Variants in TENM4 observed in about 807,000 individuals in gnomAD.
TENM4 encodes teneurin transmembrane protein 4.
A neutral mutation model predicts 243.3 loss-of-function variants in TENM4; 82 were observed. The observed-to-expected ratio is 0.34, with a 90% confidence interval of 0.28 to 0.40. The LOEUF is 0.40. Among genes scored for constraint, TENM4 ranks in the 10% least tolerant of loss-of-function variants. The probability of loss-of-function intolerance (pLI) is 1.00; values close to 1 mark genes in which losing one functional copy is unlikely to be tolerated. For synonymous variants in TENM4, 1,412 were observed against 1,456.3 expected, an observed-to-expected ratio of 0.97 and a Z score of 0.69; for missense variants, 3,138 against 3,673.3, an observed-to-expected ratio of 0.85 and a Z score of 3.77.
intron 2 of TENM4, among the ~76,000 whole-genome samples, chr11:79,261,308 G>A (rs1855792337): frequency 1.3e-5 from 2 of 152,166 alleles, no homozygotes; most frequent in African/African-American, 4.8e-5. Context: ...GGGGAAAGCT[G>A]ATAGATCTGA....
intron 4 of TENM4, among the ~76,000 whole-genome samples, chr11:79,107,645 C>A (rs1333591927): frequency 6.6e-6 from 1 of 152,192 alleles, no homozygotes; most frequent in African/African-American, 2.4e-5. Context: ...AAGAACCTTC[C>A]CAGTGGTCTC....
chr11:78,905,488 A>G (rs1440144179), intron 6 of TENM4, among the ~76,000 whole-genome samples: 1 of 152,176 alleles, frequency 6.6e-6, no homozygotes, highest in African/African-American at 2.4e-5. Flanking sequence ...TTCGGCATAA[A>G]GCCCACACCT....
At chr11:79,224,273 G>A (rs1426455260) in intron 2 of TENM4, among the ~76,000 whole-genome samples, 2 of 152,210 alleles carry the variant, frequency 1.3e-5, no homozygotes, top group African/African-American at 4.8e-5. Flanking sequence ...CTCACTGGCT[G>A]TCATTGATTG....
At chr11:79,233,072 T>C (rs548084479) in intron 2 of TENM4, among the ~76,000 whole-genome samples, 2 of 152,326 alleles carry the variant, frequency 1.3e-5, no homozygotes, top group East Asian at 3.9e-4. Flanking sequence ...CCTTTGTATA[T>C]GCACAGTTGC....
In TENM4 at chr11:78,683,783, C is replaced by T. The variant is rs560938556; in HGVS notation, c.5260+4271G>A. Among the ~76,000 whole-genome samples, 6 of 152,198 alleles carry T rather than the reference C, an allele frequency of 3.9e-5. No individual in the cohort carries two copies. In the South Asian group the frequency reaches 8.3e-4, roughly 21 times the overall value. On this transcript the variant is annotated intron_variant, in intron 29 of 33. Transcript: ENST00000278550. ...GCTGTAGACCGGAGCTGTTCCTATT[C>T]GGCCATCTTGGCTCCTCCCTAGATT...
chr11:78,981,264 A>G (rs77518192), intron 6 of TENM4, among the ~76,000 whole-genome samples: 142 of 152,340 alleles, frequency 9.3e-4, no homozygotes, highest in Non-Finnish European at 1.7e-3. Context: ...TTCTATAAGG[A>G]TAGTAACAAC....
intron 1 of TENM4, among the ~76,000 whole-genome samples, chr11:79,406,959 A>G (rs1858587751): frequency 6.6e-6 from 1 of 152,156 alleles, no homozygotes; most frequent in Non-Finnish European, 1.5e-5. Flanking sequence ...TTGACAATCT[A>G]CTTCTGTGCC....
chr11:79,049,528 G>A (rs1004939492), intron 6 of TENM4, among the ~76,000 whole-genome samples: 3 of 152,222 alleles, frequency 2.0e-5, no homozygotes, highest in African/African-American at 4.8e-5. Flanking sequence ...ATAGCAGGCC[G>A]AAGCCTGCAT....
intron 20 of TENM4, among the ~76,000 whole-genome samples, chr11:78,737,079 A>C (rs1855817804): frequency 6.6e-6 from 1 of 152,222 alleles, no homozygotes; most frequent in Non-Finnish European, 1.5e-5. Context: ...TTGCCATCTC[A>C]CAGGAGTGAC....
chr11:78,965,660 C>A (rs1857424357), intron 6 of TENM4, among the ~76,000 whole-genome samples: 1 of 152,226 alleles, frequency 6.6e-6, no homozygotes, highest in Admixed American at 6.5e-5. Flanking sequence ...CAGAACGGCA[C>A]TGAGCCCTCC....
intron 6 of TENM4, among the ~76,000 whole-genome samples, chr11:78,934,127 G>A (rs985929429): frequency 1.3e-5 from 2 of 152,094 alleles, no homozygotes; most frequent in African/African-American, 4.8e-5. Context: ...CAATAAAGGG[G>A]GACTGAGGGA....
chr11:79,384,991 G>T (rs1185623202), intron 1 of TENM4, among the ~76,000 whole-genome samples: 7 of 69,710 alleles, frequency 1.0e-4, no homozygotes, highest in Non-Finnish European at 2.4e-4. Flanking sequence ...ATGGTCAGGA[G>T]CCACCCTTTC....
rs191291281 is a variant in TENM4 at position 79,236,110 on chromosome 11, G to A, written c.-264-20201C>T. On this transcript the variant is annotated intron_variant, in intron 2 of 33. Coordinates refer to ENST00000278550, the MANE Select transcript of TENM4 (RefSeq NM_001098816.3). ...CCTGGCCTATATGGTACTCATTTGG[G>A]GAGTGAGAGGCCTCTGATGCTGCCA... Among the ~76,000 whole-genome samples, 269 of 152,182 alleles carry A rather than the reference G, an allele frequency of 1.8e-3. 2 individuals carry two copies. The highest frequency in any genetic ancestry group is 6.0e-3 in the African/African-American group (251 of 41,522).
Position 78,814,395 on chromosome 11 carries a change from T to C in TENM4, c.1682A>G (p.Glu561Gly). The change falls in exon 13 of 34, where the codon GAG becomes GGG. Residue 561 changes from glutamate (E) to glycine (G), a missense_variant and splice_region_variant. Transcript: ENST00000278550. The stretch of plus-strand genomic sequence containing the variant: ...GTTGCTGGGGCAGTTATCCACCGAC[T>C]CTGGGGAGAGAAAGGAGAAGGAGAG... ...EVVSFLTTAI[E>G]SVDNCPSNCY... 7.1e-6 allele frequency: 11 copies of C among 1,548,366 alleles called. No individual in the cohort carries two copies. Among genetic ancestry groups the C allele is most frequent in the Non-Finnish European group, 9.6e-6 (11 of 1,145,684 alleles).
intron 9 of TENM4, among the ~76,000 whole-genome samples, chr11:78,878,266 G>A (rs553753184): frequency 3.3e-5 from 5 of 152,024 alleles, no homozygotes; most frequent in East Asian, 3.9e-4. Flanking sequence ...GCAACATCAC[G>A]CCAGACCCGG....
rs1442446149 is a variant in TENM4 at position 79,289,943 on chromosome 11, TTTTTTCTTTC to T, written c.-265+7535_-265+7544del. ...CCTAGGTTAGAGGTAAGTTTCTACCTTTTTTCTTTCTTTTTCTTTTTCTTTTTTTTTAAGT... is the reference window on the plus strand; with the variant it reads ...CCTAGGTTAGAGGTAAGTTTCTACCTTTTTTCTTTTTCTTTTTTTTTAAGT... On this transcript the variant is annotated intron_variant, in intron 2 of 33. Transcript: ENST00000278550. Among the ~76,000 whole-genome samples, 3 of 151,498 alleles carry T rather than the reference TTTTTTCTTTC, an allele frequency of 2.0e-5. No homozygotes were observed. The East Asian group carries it at 5.8e-4, about 30-fold the overall frequency.
At chr11:78,817,815 C>G (rs1006365980) in intron 12 of TENM4, among the ~76,000 whole-genome samples, 3 of 152,140 alleles carry the variant, frequency 2.0e-5, no homozygotes, top group African/African-American at 4.8e-5. Context: ...TTGGCCATGT[C>G]ACATGATCTT....
intron 1 of TENM4, among the ~76,000 whole-genome samples, chr11:79,401,107 C>T (rs1471243538): frequency 6.6e-6 from 1 of 152,228 alleles, no homozygotes; most frequent in East Asian, 1.9e-4. Context: ...ATCTTGGGGA[C>T]AGGAAATAAT....
intron 1 of TENM4, among the ~76,000 whole-genome samples, chr11:79,395,648 TCCTA>T (rs1232358216): frequency 1.4e-4 from 21 of 152,284 alleles, no homozygotes; most frequent in African/African-American, 5.1e-4. Flanking sequence ...TAGCATCAGG[TCCTA>T]CCTCTTGGAT....
Sources: gnomAD v4.1 joint callset for allele counts (sites outside exome capture counted in the v4.1 genomes callset) on GRCh38, gnomAD v4.1.1 for gene constraint, MANE v1.5 for transcripts, NCBI Gene and HGNC (gene_info 2026-07-23, HGNC 2026-07-21) for gene names.